The following SHTN1 variants were observed in gnomAD, a reference collection of about 807,000 sequenced individuals.
SHTN1 encodes the protein shootin-1.
SHTN1 carries 42 observed loss-of-function variants against 83.1 expected under a neutral mutation model. The observed-to-expected ratio is 0.51, with a 90% CI of 0.39 to 0.65. The LOEUF (loss-of-function observed/expected upper bound fraction) is 0.65, where lower values mean the gene tolerates loss of function less well. SHTN1 is among the 30% of genes least tolerant of loss of function. The probability of loss-of-function intolerance (pLI) is 0.00; values close to 1 mark genes in which losing one functional copy is unlikely to be tolerated. For synonymous variants in SHTN1, 224 were observed against 247.7 expected (o/e 0.90, Z 0.90); for missense variants, 622 against 737.8 (o/e 0.84, Z 1.82).
chr10:117,044,554 TGTAGA>T (rs947697278), intron 2 of SHTN1, among the ~76,000 whole-genome samples: 4 of 152,156 alleles, frequency 2.6e-5, no homozygotes, highest in East Asian at 1.9e-4. Flanking sequence ...TTGAAATCTG[TGTAGA>T]GTATTTTCTA....
chr10:116,981,820 A>G (rs1851028995), intron 1 of SHTN1, among the ~76,000 whole-genome samples: 2 of 152,170 alleles, frequency 1.3e-5, no homozygotes, highest in Admixed American at 1.3e-4. Flanking sequence ...GCACTTTGAG[A>G]GGGTGAGGCG....
In SHTN1 at chr10:116,885,808, GCTC is replaced by G. The variant is rs548259186; in HGVS notation, c.*533_*535del. The G allele has an allele frequency of 2.3e-3, 351 of 154,274 alleles. 1 individual carries two copies. Among genetic ancestry groups the G allele is most frequent in the Non-Finnish European group, 4.2e-3 (292 of 69,438 alleles). The allele number at this position is 154,274 out of a possible 1,614,324, so 9.6% of individuals were successfully genotyped here. On this transcript the variant is annotated 3_prime_UTR_variant, in exon 17 of 17. Coordinates refer to ENST00000355371, the MANE Select transcript of SHTN1 (RefSeq NM_001127211.3). ...CTATGGGACTACGAGTTTGATGCCAGCTCCTGAGTTTTCAGTTTATCTCAGTCT... is the reference window on the plus strand; with the variant it reads ...CTATGGGACTACGAGTTTGATGCCAGCTGAGTTTTCAGTTTATCTCAGTCT...
chr10:117,125,168 TCAGAATCCTC>T (rs950982156), intron 1 of SHTN1, among the ~76,000 whole-genome samples: 1 of 152,142 alleles, frequency 6.6e-6, no homozygotes, highest in African/African-American at 2.4e-5. Context: ...CACGGAGGCC[TCAGAATCCTC>T]CACAACTTAG....
chr10:116,885,290 G>A lies in SHTN1; in HGVS notation c.*1054C>T, dbSNP rs1256884281. 6.6e-6 allele frequency: 1 copy of A among 152,392 alleles called. No homozygotes were observed. The highest frequency in any genetic ancestry group is 1.9e-4 in the East Asian group (1 of 5,176). The allele number at this position is 152,392 out of a possible 1,614,324, so 9.4% of individuals were successfully genotyped here. ...TCATTGTCATAAAAAGTGCATTCAA[G>A]TACATTACCACTTATTTTAAATAAA... On this transcript the variant is annotated 3_prime_UTR_variant, in exon 17 of 17. Coordinates refer to ENST00000355371, the MANE Select transcript of SHTN1 (RefSeq NM_001127211.3).
At chr10:116,986,113 C>T (rs1395307952) in intron 1 of SHTN1, among the ~76,000 whole-genome samples, 4 of 152,078 alleles carry the variant, frequency 2.6e-5, no homozygotes, top group African/African-American at 9.7e-5. Context: ...TTCAAATTAA[C>T]CAAGAAGAAA....
At chr10:116,945,468 A>C (rs992406168) in intron 7 of SHTN1, among the ~76,000 whole-genome samples, 1 of 152,210 alleles carries the variant, frequency 6.6e-6, no homozygotes, top group Non-Finnish European at 1.5e-5. Flanking sequence ...AGATTGCAAA[A>C]ATTAGTGCAA....
chr10:117,120,248 A>ATTT (rs60258460), intron 1 of SHTN1, among the ~76,000 whole-genome samples: 3 of 140,004 alleles, frequency 2.1e-5, no homozygotes, highest in Admixed American at 7.2e-5. Context: ...CCATGATGTG[A>ATTT]TTTTTTTTTT....
At chr10:116,902,092 G>T in intron 15 of SHTN1, 135 bp from the exon 16 acceptor site, 1 of 744,764 alleles carries the variant, frequency 1.3e-6, no homozygotes, top group Non-Finnish European at 2.1e-6. Context: ...GAGCATGCTG[G>T]AAAATGTTGT....
chr10:116,941,369 A>G (rs1813193190), intron 8 of SHTN1, among the ~76,000 whole-genome samples: 1 of 152,216 alleles, frequency 6.6e-6, no homozygotes, highest in South Asian at 2.1e-4. Context: ...GCACTGTATT[A>G]AGCAATTTAT....
At chr10:117,112,610 A>G (rs1359208257) in intron 1 of SHTN1, among the ~76,000 whole-genome samples, 1 of 152,232 alleles carries the variant, frequency 6.6e-6, no homozygotes, top group African/African-American at 2.4e-5. Flanking sequence ...AGATAGACTT[A>G]GTGATTTGGC....
rs73396197 is a variant in SHTN1 at position 116,920,235 on chromosome 10, G to A, written c.1195+1199C>T. Among the ~76,000 whole-genome samples the A allele has an allele frequency of 2.7e-3, 415 of 152,256 alleles. 1 individual carries two copies. The highest frequency in any genetic ancestry group is 9.7e-3 in the African/African-American group (402 of 41,544). ...CCAGCTATCTGCCCAGAATCTGCAC[G>A]GAGGCTATGGAATTAGAACGGCAGG... On this transcript the variant is annotated intron_variant, in intron 12 of 16. Transcript: ENST00000355371.
rs1419793386 is a variant in SHTN1 at position 117,065,453 on chromosome 10, G to A, written c.-188-16943C>T. On this transcript the variant is annotated intron_variant, in intron 1 of 17. Coordinates refer to the SHTN1 transcript ENST00000392901. ...TGTAGTCCCAGCATTTTGAGAGGCC[G>A]AGGCCTGTAATCCCAGCACTTTGGG... Among the ~76,000 whole-genome samples, 9 of 151,524 alleles carry A rather than the reference G, an allele frequency of 5.9e-5. No individual in the cohort carries two copies. In the South Asian group the frequency reaches 8.3e-4, roughly 14 times the overall value.
intron 1 of SHTN1, among the ~76,000 whole-genome samples, chr10:117,068,660 A>G (rs1853038911): frequency 1.3e-5 from 2 of 152,170 alleles, no homozygotes; most frequent in Non-Finnish European, 2.9e-5. Context: ...TCTGGATTCA[A>G]TGCCATTACT....
At chr10:117,012,138 CAA>C (rs745832549) in intron 2 of SHTN1, among the ~76,000 whole-genome samples, 11 of 65,338 alleles carry the variant, frequency 1.7e-4, no homozygotes, top group Non-Finnish European at 2.1e-4. Flanking sequence ...GACTCCATCT[CAA>C]AAAAAAAAAA....
chr10:117,038,508 TAA>T (rs34274887), intron 2 of SHTN1, among the ~76,000 whole-genome samples: 13 of 151,204 alleles, frequency 8.6e-5, no homozygotes, highest in Admixed American at 3.3e-4. Context: ...TGGACTGCAT[TAA>T]AAAAAAAATT....
chr10:117,118,755 C>A (rs1384194311), intron 1 of SHTN1, among the ~76,000 whole-genome samples: 1 of 152,060 alleles, frequency 6.6e-6, no homozygotes, highest in Non-Finnish European at 1.5e-5. Flanking sequence ...TGAGGGGGAA[C>A]AACACACACT....
chr10:116,936,419 G>A (rs956069616), intron 9 of SHTN1, among the ~76,000 whole-genome samples: 5 of 151,952 alleles, frequency 3.3e-5, no homozygotes, highest in South Asian at 2.1e-4. Flanking sequence ...CCTTAATTTC[G>A]TTATTTACTC....
intron 1 of SHTN1, among the ~76,000 whole-genome samples, chr10:116,986,936 T>G (rs2133499891): frequency 6.6e-6 from 1 of 151,780 alleles, no homozygotes. Flanking sequence ...ACCATGTTGG[T>G]CAGGCTGGAC....
At chr10:117,007,363 A>G (rs1304669213), upstream of SHTN1, among the ~76,000 whole-genome samples, 5 of 151,700 alleles carry the variant, frequency 3.3e-5, no homozygotes, top group African/African-American at 1.2e-4. Context: ...CCAATTATAC[A>G]GTAGTTAGAT....
Sources: gnomAD v4.1 joint callset for allele counts (sites outside exome capture counted in the v4.1 genomes callset) on GRCh38, gnomAD v4.1.1 for gene constraint, MANE v1.5 for transcripts, NCBI Gene and HGNC (gene_info 2026-07-23, HGNC 2026-07-21) for gene names.